The following LRRC8B variants were observed in gnomAD, a reference collection of about 807,000 sequenced individuals.
The protein encoded by LRRC8B is volume-regulated anion channel subunit LRRC8B.
In LRRC8B, 23 loss-of-function variants were observed where a neutral mutation model predicts 58.8. The observed-to-expected ratio is 0.39, with a 90% CI of 0.28 to 0.55. LRRC8B has a LOEUF of 0.55. Ranked by LOEUF, LRRC8B falls within the 20% of genes least tolerant of loss-of-function variation. The probability of loss-of-function intolerance (pLI) is 0.62; values close to 1 mark genes in which losing one functional copy is unlikely to be tolerated. For missense variants in LRRC8B, 694 were observed against 936.0 expected (o/e 0.74, Z 3.37); for synonymous variants, 359 against 374.1 (o/e 0.96, Z 0.47).
At position 89,597,543 on chromosome 1, in the gene LRRC8B, G is replaced by A. The variant is rs1046344003; in HGVS notation, c.*4500G>A. 9 of 152,130 alleles carry A rather than the reference G, an allele frequency of 5.9e-5. No homozygotes were observed. The highest frequency in any genetic ancestry group is 2.2e-4 in the African/African-American group (9 of 41,418). The allele number at this position is 152,130 out of a possible 1,614,324, so 9.4% of individuals were successfully genotyped here. A position where few individuals can be genotyped will look rare whatever the true frequency, so the allele number is the denominator to read the frequency against. On this transcript the variant is annotated 3_prime_UTR_variant, in exon 6 of 6. Transcript: ENST00000330947. ...TTAAATTCTTCAAATACTTCACTTA[G>A]TGAAATAATGGGCCAATCTGGAATA...
At chr1:89,589,578 A>G (rs531765450) in intron 5 of LRRC8B, among the ~76,000 whole-genome samples, 9 of 142,300 alleles carry the variant, frequency 6.3e-5, no homozygotes, top group Admixed American at 5.0e-4. Context: ...TTTTTCTTAT[A>G]TTAGTTTGAA....
intron 3 of LRRC8B, among the ~76,000 whole-genome samples, chr1:89,574,656 G>A (rs1653715448): frequency 6.6e-6 from 1 of 152,046 alleles, no homozygotes; most frequent in East Asian, 1.9e-4. Context: ...AATTAAAGAA[G>A]AAACTATTTT....
At chr1:89,555,220 G>T (rs1490234233) in intron 1 of LRRC8B, among the ~76,000 whole-genome samples, 1 of 152,122 alleles carries the variant, frequency 6.6e-6, no homozygotes, top group Non-Finnish European at 1.5e-5. Context: ...TATTTTAGAA[G>T]AACCTTACTC....
Position 89,584,250 on chromosome 1 carries a change from T to C in LRRC8B, c.1600T>C (p.Phe534Leu), listed in dbSNP as rs1422177230. ...EQLSTMQLEG[F>L]QDLKNLRTLY... ...GTTGAGTACTATGCAGTTGGAGGGCTTTCAGGACTTAAAAAATCTAAGGAC... is the reference window on the plus strand; with the variant it reads ...GTTGAGTACTATGCAGTTGGAGGGCCTTCAGGACTTAAAAAATCTAAGGAC... The change falls in exon 5 of 6, where the codon TTT becomes CTT. Residue 534 changes from phenylalanine to leucine, a missense_variant. Physicochemically the swap from Phe to Leu is conservative, Grantham distance 22. This residue lies in a region of LRRC8B where 162 missense variants were observed against 198.5 expected (regional missense o/e 0.82). Transcript: ENST00000330947. 1 of 1,612,962 alleles carries C rather than the reference T, an allele frequency of 6.2e-7. No individual in the cohort carries two copies. The highest frequency in any genetic ancestry group is 1.3e-5 in the African/African-American group (1 of 74,926).
chr1:89,550,065 G>T (rs1651690285), intron 1 of LRRC8B: 4 of 152,152 alleles, frequency 2.6e-5, no homozygotes, highest in Admixed American at 6.5e-5. Context: ...TTGTCCTTGA[G>T]TCCTGACTCT....
rs1653559905 is a variant in LRRC8B at position 89,572,767 on chromosome 1, C to A, written c.-125+4274C>A. Among the ~76,000 whole-genome samples, 3 of 152,218 alleles carry A rather than the reference C, an allele frequency of 2.0e-5. No homozygotes were observed. In the East Asian group the frequency reaches 5.8e-4, roughly 29 times the overall value. The stretch of plus-strand genomic sequence containing the variant: ...ATTTGAGGTTGCCTTCTATTTACAC[C>A]TTCTCTGTAAGAATTATCCAGCAAC... On this transcript the variant is annotated intron_variant, in intron 3 of 5. Transcript: ENST00000330947.
Position 89,597,235 on chromosome 1 carries a change from GAAT to G in LRRC8B, c.*4196_*4198del, listed in dbSNP as rs990167457. ...TACATTCTCTTCAGATTTTTTATAT[GAAT>G]AATTTCATCAGCACTAAAGCATTAA... On this transcript the variant is annotated 3_prime_UTR_variant, in exon 6 of 6. Coordinates refer to ENST00000330947, the MANE Select transcript of LRRC8B (RefSeq NM_001369817.2). 1.3e-5 allele frequency: 2 copies of G among 152,130 alleles called. No homozygotes were observed. Among genetic ancestry groups the G allele is most frequent in the African/African-American group, 4.8e-5 (2 of 41,426 alleles). The allele number at this position is 152,130 out of a possible 1,614,324, so 9.4% of individuals were successfully genotyped here. A position where few individuals can be genotyped will look rare whatever the true frequency, so the allele number is the denominator to read the frequency against.
chr1:89,596,367 GTAAA>G lies in LRRC8B; in HGVS notation c.*3327_*3330del. ...GTCACTTCACATTGTGTTAAACAGG[GTAAA>G]TAGAGATCCTCAGTATCTCAGTGCT... is the stretch of plus-strand genomic sequence containing the variant. On this transcript the variant is annotated 3_prime_UTR_variant, in exon 6 of 6. Transcript: ENST00000330947. 1 of 152,206 alleles carries G rather than the reference GTAAA, an allele frequency of 6.6e-6. No individual in the cohort carries two copies. The highest frequency in any genetic ancestry group is 2.1e-4 in the South Asian group (1 of 4,824). 9.4% of individuals were successfully genotyped at this position (152,206 alleles called of 1,614,324 possible). A position where few individuals can be genotyped will look rare whatever the true frequency, so the allele number is the denominator to read the frequency against.
chr1:89,582,545 G>C, intron 4 of LRRC8B, 80 bp from the exon 5 acceptor site: 1 of 795,178 alleles, frequency 1.3e-6, no homozygotes, highest in East Asian at 2.5e-5. Flanking sequence ...GGGAAGGAGG[G>C]CATGTGTGTA....
chr1:89,527,699 T>G (rs1308069618), intron 1 of LRRC8B, among the ~76,000 whole-genome samples: 2 of 152,280 alleles, frequency 1.3e-5, no homozygotes, highest in East Asian at 3.8e-4. Flanking sequence ...ACTTAATTTC[T>G]CTGGTGTTTA....
At chr1:89,532,346 C>A (rs1650203175) in intron 1 of LRRC8B, among the ~76,000 whole-genome samples, 1 of 152,156 alleles carries the variant, frequency 6.6e-6, no homozygotes, top group African/African-American at 2.4e-5. Flanking sequence ...AGTAAACGTG[C>A]CAAAACCGCT....
At chr1:89,550,872 C>T (rs1354069607) in intron 1 of LRRC8B, among the ~76,000 whole-genome samples, 1 of 152,146 alleles carries the variant, frequency 6.6e-6, no homozygotes, top group Non-Finnish European at 1.5e-5. Flanking sequence ...TCATTTCCCC[C>T]GGCCCCCGAT....
Position 89,595,066 on chromosome 1 carries a change from A to G in LRRC8B, c.*2023A>G, listed in dbSNP as rs1456453869. 1 of 152,240 alleles carries G rather than the reference A, an allele frequency of 6.6e-6. No individual in the cohort carries two copies. Among genetic ancestry groups the G allele is most frequent in the Non-Finnish European group, 1.5e-5 (1 of 68,000 alleles). The allele number at this position is 152,240 out of a possible 1,614,324, so 9.4% of individuals were successfully genotyped here. A position where few individuals can be genotyped will look rare whatever the true frequency, so the allele number is the denominator to read the frequency against. On this transcript the variant is annotated 3_prime_UTR_variant, in exon 6 of 6. Coordinates refer to ENST00000330947, the MANE Select transcript of LRRC8B (RefSeq NM_001369817.2). ...TCAAATCAAATGAAATTTGAATAATATTAGCTATCAGGAATATAGGACACC... is the reference window on the plus strand; with the variant it reads ...TCAAATCAAATGAAATTTGAATAATGTTAGCTATCAGGAATATAGGACACC...
chr1:89,589,370 G>C (rs1654834011), intron 5 of LRRC8B, among the ~76,000 whole-genome samples: 1 of 152,158 alleles, frequency 6.6e-6, no homozygotes. Context: ...GTATATGTGG[G>C]TGGACATGGA....
At chr1:89,551,324 G>A (rs1279095746) in intron 1 of LRRC8B, among the ~76,000 whole-genome samples, 1 of 152,150 alleles carries the variant, frequency 6.6e-6, no homozygotes, top group Non-Finnish European at 1.5e-5. Context: ...CACCAGCCAT[G>A]TGTCATCAGC....
Position 89,584,362 on chromosome 1 carries a change from A to C in LRRC8B, c.1712A>C (p.Glu571Ala), listed in dbSNP as rs1192464736. 6.2e-7 allele frequency: 1 copy of C among 1,614,160 alleles called. No homozygotes were observed. Among genetic ancestry groups the C allele is most frequent in the East Asian group, 2.2e-5 (1 of 44,874 alleles). The change falls in exon 5 of 6, where the codon GAG becomes GCG. Residue 571 changes from glutamate (E) to alanine (A), a missense_variant. Physicochemically the swap from Glu to Ala is moderately radical, Grantham distance 107 (BLOSUM62 -1). Coordinates refer to ENST00000330947, the MANE Select transcript of LRRC8B (RefSeq NM_001369817.2). ...TTGCAGAAACTGTCCCTTGATAATG[A>C]GGGAAGCAAACTGGTTGTGTTGAAC... ...PSLQKLSLDN[E>A]GSKLVVLNNL...
At chr1:89,592,626 A>G (rs1316187448) in intron 5 of LRRC8B, 145 bp from the exon 6 acceptor site, 9 of 703,108 alleles carry the variant, frequency 1.3e-5, no homozygotes, top group East Asian at 2.6e-5. Context: ...CTTTTCATCT[A>G]CTTCAAATTT....
chr1:89,550,861 T>G (rs115668303), intron 1 of LRRC8B, among the ~76,000 whole-genome samples: 2,616 of 152,278 alleles, frequency 0.017, 85 homozygotes, highest in African/African-American at 0.058. Context: ...TTTCCTTACC[T>G]TCATTTCCCC....
intron 1 of LRRC8B, among the ~76,000 whole-genome samples, chr1:89,531,368 A>G (rs1478483704): frequency 6.6e-6 from 1 of 152,236 alleles, no homozygotes; most frequent in African/African-American, 2.4e-5. Flanking sequence ...ATATTTTAAA[A>G]ACTCAAAGAA....
Sources: gnomAD v4.1 joint callset for allele counts (sites outside exome capture counted in the v4.1 genomes callset) on GRCh38, gnomAD v4.1.1 for gene constraint, gnomAD v4.1.1 regional missense constraint, MANE v1.5 for transcripts, NCBI Gene and HGNC (gene_info 2026-07-23, HGNC 2026-07-21) for gene names.